GRIK4: variants seen among roughly 807,000 people sequenced by gnomAD.
The protein encoded by GRIK4 is glutamate receptor ionotropic, kainate 4.
Under a neutral mutation model 104.9 loss-of-function variants are expected in GRIK4, and 40 were observed. The observed-to-expected ratio is 0.38, with a 90% CI of 0.30 to 0.50. The LOEUF (loss-of-function observed/expected upper bound fraction) is 0.50. Ranked by LOEUF, GRIK4 falls within the 20% of genes least tolerant of loss-of-function variation. GRIK4 has a pLI of 0.93. For missense variants in GRIK4, 1,047 were observed against 1,308.1 expected, an observed-to-expected ratio of 0.80 and a Z score of 3.08; for synonymous variants, 485 against 524.9, an observed-to-expected ratio of 0.92 and a Z score of 1.04.
intron 6 of GRIK4, among the ~76,000 whole-genome samples, chr11:120,824,429 C>T (rs1953201735): frequency 6.6e-6 from 1 of 152,162 alleles, no homozygotes; most frequent in Non-Finnish European, 1.5e-5. Context: ...CCCAGCCCTG[C>T]CGCGGATCTA....
chr11:120,615,543 C>T (rs984212659), intron 1 of GRIK4, among the ~76,000 whole-genome samples: 2 of 152,156 alleles, frequency 1.3e-5, no homozygotes, highest in African/African-American at 2.4e-5. Flanking sequence ...GGCAGCTGCC[C>T]GGGCTCTGGC....
At chr11:120,701,686 A>G (rs1348657326) in intron 3 of GRIK4, among the ~76,000 whole-genome samples, 1 of 152,152 alleles carries the variant, frequency 6.6e-6, no homozygotes, top group Non-Finnish European at 1.5e-5. Flanking sequence ...TTTCTTTAGG[A>G]ACCTCCATAT....
Position 120,702,535 on chromosome 11 carries a change from G to A in GRIK4, c.82+42135G>A, listed in dbSNP as rs907317852. Among the ~76,000 whole-genome samples, 19 of 152,246 alleles carry A rather than the reference G, an allele frequency of 1.2e-4. No homozygotes were observed. The South Asian group carries it at 3.7e-3, about 30-fold the overall frequency. ...CTGGGTTTGTACAGACAGAGAAGAG[G>A]ACAAGGACAGAGCTCGGGGGTGCTT... On this transcript the variant is annotated intron_variant, in intron 3 of 20. Transcript: ENST00000527524.
intron 1 of GRIK4, chr11:120,620,415 T>G (rs1949172286): frequency 6.0e-6 from 3 of 503,356 alleles, no homozygotes; most frequent in Non-Finnish European, 1.1e-5. Flanking sequence ...CATAACCCAG[T>G]CCCCATGTAT....
chr11:120,810,500 G>T (rs1246621169), intron 4 of GRIK4, among the ~76,000 whole-genome samples: 1 of 152,196 alleles, frequency 6.6e-6, no homozygotes, highest in Non-Finnish European at 1.5e-5. Flanking sequence ...ATCTGAGCTG[G>T]ATGCTGAAGT....
At chr11:120,962,044 ATAGTCCTAAATGAACC>A (rs11268788) in intron 17 of GRIK4, among the ~76,000 whole-genome samples, 98,938 of 151,778 alleles carry the variant, frequency 0.65, 33,641 homozygotes, top group East Asian at 0.99. Flanking sequence ...GTATCTCTGT[ATAGTCCTAAATGAACC>A]TAGTCCTAAA....
Position 120,956,721 on chromosome 11 carries a change from C to T in GRIK4, c.1701-59C>T. 1 of 1,310,704 alleles carries T rather than the reference C, an allele frequency of 7.6e-7. No individual in the cohort carries two copies. Among genetic ancestry groups the T allele is most frequent in the Non-Finnish European group, 1.0e-6 (1 of 973,202 alleles). The allele number at this position is 1,310,704 out of a possible 1,614,324, so 81.2% of individuals were successfully genotyped here. ...AGGTGAGACCAGCCAGGAGAGCCTG[C>T]CTGTGTCCCTTCACACCCCGCCTCT... is the stretch of plus-strand genomic sequence containing the variant. On this transcript the variant is annotated intron_variant, in intron 15 of 20. Transcript: ENST00000527524. This position sits in a 1 kb window ranked among gnomAD's most constrained non-coding sequence, Gnocchi z 4.6.
intron 19 of GRIK4, among the ~76,000 whole-genome samples, chr11:120,981,645 T>G (rs751758575): frequency 2.6e-5 from 4 of 152,276 alleles, no homozygotes; most frequent in Non-Finnish European, 5.9e-5. Flanking sequence ...TAGGTAAATA[T>G]AACTTTTTCT....
At chr11:120,666,726 A>G (rs946448205) in intron 3 of GRIK4, among the ~76,000 whole-genome samples, 2 of 152,148 alleles carry the variant, frequency 1.3e-5, no homozygotes, top group South Asian at 2.1e-4. Flanking sequence ...AACGAATATT[A>G]TGGGCTGATG....
At chr11:120,726,988 G>T (rs1295810944) in intron 3 of GRIK4, among the ~76,000 whole-genome samples, 2 of 152,174 alleles carry the variant, frequency 1.3e-5, no homozygotes, top group Non-Finnish European at 2.9e-5. Flanking sequence ...ACAAATAAAA[G>T]ACTTCTCTGT....
intron 3 of GRIK4, among the ~76,000 whole-genome samples, chr11:120,743,713 G>A (rs1276820974): frequency 2.0e-5 from 3 of 152,212 alleles, no homozygotes; most frequent in Non-Finnish European, 4.4e-5. Flanking sequence ...TGAAGGATTT[G>A]GCACAAAGTT....
intron 13 of GRIK4, among the ~76,000 whole-genome samples, chr11:120,923,695 G>A (rs1170525917): frequency 2.0e-5 from 3 of 152,266 alleles, no homozygotes; most frequent in South Asian, 2.1e-4. Context: ...TCACAGGCAT[G>A]AGCCACTGCG....
intron 1 of GRIK4, among the ~76,000 whole-genome samples, chr11:120,545,535 C>T (rs960352252): frequency 2.0e-5 from 3 of 152,134 alleles, no homozygotes; most frequent in Non-Finnish European, 2.9e-5. Flanking sequence ...TATTATTAAC[C>T]ATTCTTTTGT....
At chr11:120,624,966 C>A (rs1949239216) in intron 1 of GRIK4, among the ~76,000 whole-genome samples, 1 of 152,146 alleles carries the variant, frequency 6.6e-6, no homozygotes, top group Admixed American at 6.5e-5. Context: ...CAATCATGCG[C>A]CTCATTTTAA....
rs556193526 is a variant in GRIK4 at position 120,679,573 on chromosome 11, G to C, written c.82+19173G>C. ...CTGCCTAGAGTTGTGATGGTGCAGG[G>C]AGCAGCTGGGCAGTGCCAGGCCCAG... is the stretch of plus-strand genomic sequence containing the variant. On this transcript the variant is annotated intron_variant, in intron 3 of 20. Transcript: ENST00000527524. Among the ~76,000 whole-genome samples the C allele has an allele frequency of 6.6e-5, 10 of 152,332 alleles. No homozygotes were observed. The East Asian group carries it at 1.9e-3, about 29-fold the overall frequency.
chr11:120,835,485 G>A (rs957546152), intron 7 of GRIK4, among the ~76,000 whole-genome samples: 2 of 152,094 alleles, frequency 1.3e-5, no homozygotes, highest in African/African-American at 4.8e-5. Flanking sequence ...CCATGATCGC[G>A]CCAATGCACT....
intron 3 of GRIK4, among the ~76,000 whole-genome samples, chr11:120,740,474 T>A (rs1951308549): frequency 6.6e-6 from 1 of 152,154 alleles, no homozygotes; most frequent in East Asian, 1.9e-4. Context: ...CCCAGAGCTG[T>A]CCCGTGGCCC....
chr11:120,557,117 G>A (rs1948195292), intron 1 of GRIK4, among the ~76,000 whole-genome samples: 2 of 152,178 alleles, frequency 1.3e-5, no homozygotes, highest in African/African-American at 2.4e-5. Flanking sequence ...TGTCCTTGGA[G>A]CCTGCTTGAT....
intron 13 of GRIK4, among the ~76,000 whole-genome samples, chr11:120,921,315 C>T (rs1321345251): frequency 6.6e-6 from 1 of 152,222 alleles, no homozygotes; most frequent in African/African-American, 2.4e-5. Context: ...GCATTCAGAA[C>T]AGGCTCTGGC....
Sources: gnomAD v4.1 joint callset for allele counts (sites outside exome capture counted in the v4.1 genomes callset) on GRCh38, gnomAD v4.1.1 for gene constraint, Gnocchi (gnomAD v3.1) non-coding constraint, MANE v1.5 for transcripts, NCBI Gene and HGNC (gene_info 2026-07-23, HGNC 2026-07-21) for gene names.